SLC49A4: variants seen among roughly 807,000 people sequenced by gnomAD.
The protein encoded by SLC49A4 is solute carrier family 49 member 4.
Under a neutral mutation model 50.6 loss-of-function variants are expected in SLC49A4, and 36 were observed. That is an observed-to-expected ratio of 0.71 (90% CI 0.55 to 0.94). The LOEUF is 0.94. Ranked by LOEUF, SLC49A4 falls within the 40% of genes least tolerant of loss-of-function variation. The pLI is 0.00. For synonymous variants in SLC49A4, 248 were observed against 241.2 expected (o/e 1.03, Z -0.26); for missense variants, 503 against 605.7 (o/e 0.83, Z 1.78).
At chr3:122,832,646 G>A (rs1936622423) in intron 3 of SLC49A4, among the ~76,000 whole-genome samples, 2 of 151,814 alleles carry the variant, frequency 1.3e-5, no homozygotes, top group South Asian at 4.1e-4. Context: ...AATCATCCTA[G>A]ACCTGTTTCA....
At chr3:122,834,391 A>G (rs1033807594) in intron 4 of SLC49A4, among the ~76,000 whole-genome samples, 5 of 152,192 alleles carry the variant, frequency 3.3e-5, no homozygotes, top group Admixed American at 3.3e-4. Context: ...GAATAAAACT[A>G]GAAATCAACT....
At chr3:122,872,817 C>T (rs1436128318) in intron 8 of SLC49A4, among the ~76,000 whole-genome samples, 1 of 151,500 alleles carries the variant, frequency 6.6e-6, no homozygotes. Context: ...TGTACTCCCC[C>T]ACCCCCGAAT....
intron 4 of SLC49A4, among the ~76,000 whole-genome samples, chr3:122,839,371 A>G (rs1163026221): frequency 6.6e-6 from 1 of 152,210 alleles, no homozygotes; most frequent in African/African-American, 2.4e-5. Flanking sequence ...AGCAAATGCA[A>G]CAAAAACAAA....
intron 6 of SLC49A4, among the ~76,000 whole-genome samples, chr3:122,857,329 T>C (rs892972661): frequency 1.3e-5 from 2 of 149,852 alleles, no homozygotes; most frequent in African/African-American, 2.4e-5. Flanking sequence ...AATGTTACTC[T>C]CTTAGGCAAC....
At chr3:122,838,046 A>C (rs1936714962) in intron 4 of SLC49A4, among the ~76,000 whole-genome samples, 1 of 151,830 alleles carries the variant, frequency 6.6e-6, no homozygotes, top group African/African-American at 2.4e-5. Context: ...ATCATTAAAA[A>C]GTCAGGAAAC....
At chr3:122,821,576 G>C (rs1936453265) in intron 2 of SLC49A4, among the ~76,000 whole-genome samples, 1 of 152,322 alleles carries the variant, frequency 6.6e-6, no homozygotes, top group South Asian at 2.1e-4. Context: ...TTCATCAGGT[G>C]TGGAGTTTCG....
At chr3:122,808,864 C>A (rs568945514) in intron 2 of SLC49A4, among the ~76,000 whole-genome samples, 26 of 152,148 alleles carry the variant, frequency 1.7e-4, no homozygotes, top group Middle Eastern at 3.4e-3. Flanking sequence ...TAATTATATT[C>A]TGATTATATT....
Position 122,833,414 on chromosome 3 carries a change from G to T in SLC49A4, c.801G>T (p.Leu267=). The stretch of plus-strand genomic sequence containing the variant: ...GTGTTGCTGCAGCTAGCCAGCGGCT[G>T]AGTTATCGGAGAAGCGTTTGTAGAT... ...PPSVAAASQR[L]SYRRSVCRLL... is the part of the protein sequence containing the mutation. The change falls in exon 4 of 9, where the codon CTG becomes CTT. Residue 267 remains leucine (L), a synonymous_variant. Transcript: ENST00000261038. 6.2e-7 allele frequency: 1 copy of T among 1,613,582 alleles called. No individual in the cohort carries two copies. Among genetic ancestry groups the T allele is most frequent in the South Asian group, 1.1e-5 (1 of 91,058 alleles).
At chr3:122,837,319 A>G (rs534642869) in intron 4 of SLC49A4, among the ~76,000 whole-genome samples, 1 of 142,518 alleles carries the variant, frequency 7.0e-6, no homozygotes, top group African/African-American at 2.4e-5. Flanking sequence ...CTATACTACA[A>G]GGCTACAGTA....
intron 7 of SLC49A4, among the ~76,000 whole-genome samples, chr3:122,861,032 G>A (rs1232612054): frequency 2.0e-5 from 3 of 152,060 alleles, no homozygotes; most frequent in African/African-American, 7.2e-5. Context: ...TGCATTATCT[G>A]TGCCTTTCTT....
chr3:122,854,563 G>A lies in SLC49A4; in HGVS notation c.943-1744G>A, dbSNP rs78935096. On this transcript the variant is annotated intron_variant, in intron 5 of 8. Transcript: ENST00000261038. Reference sequence around the variant, plus strand: ...TGCATGGGTGCAGCTGGGCAGCTACGTCCAGATTGCAGCTGGCAGGAAGGG... The same window carrying A: ...TGCATGGGTGCAGCTGGGCAGCTACATCCAGATTGCAGCTGGCAGGAAGGG... Among the ~76,000 whole-genome samples the A allele has an allele frequency of 6.6e-3, 1,006 of 152,256 alleles. 5 individuals are homozygous for A. The highest frequency in any genetic ancestry group is 0.013 in the Admixed American group (203 of 15,300).
chr3:122,859,692 TAATA>T (rs1321767528), intron 6 of SLC49A4, among the ~76,000 whole-genome samples: 3 of 151,626 alleles, frequency 2.0e-5, no homozygotes, highest in Admixed American at 1.3e-4. Context: ...CACAAAAAAA[TAATA>T]ATTAGCCCAG....
chr3:122,823,570 A>G (rs1004128982), intron 2 of SLC49A4, among the ~76,000 whole-genome samples: 3 of 152,182 alleles, frequency 2.0e-5, no homozygotes, highest in African/African-American at 7.2e-5. Flanking sequence ...TGCCTACCCA[A>G]CACATGGTGA....
chr3:122,853,234 A>G (rs56261565), intron 5 of SLC49A4, among the ~76,000 whole-genome samples: 68,100 of 151,906 alleles, frequency 0.45, 16,048 homozygotes, highest in South Asian at 0.55. Context: ...CCTCTTTTAT[A>G]AGGGCACTCA....
At chr3:122,809,689 C>T (rs1936273277) in intron 2 of SLC49A4, among the ~76,000 whole-genome samples, 1 of 152,268 alleles carries the variant, frequency 6.6e-6, no homozygotes, top group South Asian at 2.1e-4. Flanking sequence ...AGTTGACCCT[C>T]CATCTTGTTG....
At chr3:122,798,292 T>C (rs1241006590) in intron 1 of SLC49A4, among the ~76,000 whole-genome samples, 1 of 152,008 alleles carries the variant, frequency 6.6e-6, no homozygotes, top group African/African-American at 2.4e-5. Flanking sequence ...CCAACCTTGT[T>C]TTTTATGGTA....
chr3:122,857,001 A>G (rs1473415563), intron 6 of SLC49A4, among the ~76,000 whole-genome samples: 1 of 152,152 alleles, frequency 6.6e-6, no homozygotes, highest in Non-Finnish European at 1.5e-5. Flanking sequence ...CAAAAAAGGT[A>G]ATATAATAAT....
intron 1 of SLC49A4, among the ~76,000 whole-genome samples, chr3:122,804,324 G>A (rs1225636317): frequency 6.6e-6 from 1 of 152,204 alleles, no homozygotes; most frequent in Non-Finnish European, 1.5e-5. Context: ...AGCCATTCAT[G>A]AGGATCTGTC....
At chr3:122,873,880 C>T (rs1340457957) in intron 8 of SLC49A4, among the ~76,000 whole-genome samples, 1 of 152,174 alleles carries the variant, frequency 6.6e-6, no homozygotes, top group East Asian at 1.9e-4. Flanking sequence ...AATTAAGTGG[C>T]TTATTGCCTG....
Sources: gnomAD v4.1 joint callset for allele counts (sites outside exome capture counted in the v4.1 genomes callset) on GRCh38, gnomAD v4.1.1 for gene constraint, MANE v1.5 for transcripts, NCBI Gene and HGNC (gene_info 2026-07-23, HGNC 2026-07-21) for gene names.